The following ABHD17C variants were observed in gnomAD, a reference collection of about 807,000 sequenced individuals.
The protein encoded by ABHD17C is alpha/beta hydrolase domain-containing protein 17C.
Under a neutral mutation model 27.9 loss-of-function variants are expected in ABHD17C, and 11 were observed. The ratio of observed to expected loss-of-function variants is 0.39; its 90% confidence interval spans 0.25 to 0.65. The LOEUF (loss-of-function observed/expected upper bound fraction) is 0.65, where lower values mean the gene tolerates loss of function less well. Among genes scored for constraint, ABHD17C ranks in the 30% least tolerant of loss-of-function variants. The pLI, the probability that ABHD17C is intolerant of heterozygous loss-of-function variation, is 0.45. For missense variants in ABHD17C, 280 were observed against 470.2 expected (o/e 0.60, Z 3.74); for synonymous variants, 233 against 209.1 (o/e 1.11, Z -0.98).
chr15:80,743,850 G>C (rs554428496), intron 1 of ABHD17C, among the ~76,000 whole-genome samples: 71 of 152,344 alleles, frequency 4.7e-4, no homozygotes, highest in Middle Eastern at 3.4e-3. Context: ...TAGGATTACA[G>C]GCGTGAGCCA....
At chr15:80,699,400 C>T (rs1894540997) in intron 1 of ABHD17C, among the ~76,000 whole-genome samples, 1 of 151,996 alleles carries the variant, frequency 6.6e-6, no homozygotes, top group Non-Finnish European at 1.5e-5. Context: ...GGTTTAATAT[C>T]CATGGGTACA....
At chr15:80,750,515 T>C (rs1484352221) in intron 2 of ABHD17C, among the ~76,000 whole-genome samples, 1 of 152,202 alleles carries the variant, frequency 6.6e-6, no homozygotes, top group Non-Finnish European at 1.5e-5. Context: ...GGGTTTTTGA[T>C]TGACCCATTA....
At chr15:80,712,214 C>A (rs964164779) in intron 1 of ABHD17C, among the ~76,000 whole-genome samples, 1 of 152,186 alleles carries the variant, frequency 6.6e-6, no homozygotes, top group African/African-American at 2.4e-5. Context: ...TAGACTCACC[C>A]GGAGCCCAGT....
intron 1 of ABHD17C, among the ~76,000 whole-genome samples, chr15:80,726,824 C>A (rs1483571029): frequency 6.6e-6 from 1 of 152,198 alleles, no homozygotes; most frequent in Admixed American, 6.5e-5. Context: ...CACACCCAAC[C>A]CTTTTTCTTT....
intron 1 of ABHD17C, among the ~76,000 whole-genome samples, chr15:80,748,256 G>C (rs1313898888): frequency 6.6e-6 from 1 of 152,194 alleles, no homozygotes; most frequent in East Asian, 1.9e-4. Flanking sequence ...ACTGAACGCC[G>C]TTATCAGAAA....
chr15:80,733,194 C>T (rs1895080253), intron 1 of ABHD17C, among the ~76,000 whole-genome samples: 1 of 152,180 alleles, frequency 6.6e-6, no homozygotes, highest in Admixed American at 6.5e-5. Flanking sequence ...CTTCCCTCCC[C>T]TGTCCCCGAC....
intron 1 of ABHD17C, among the ~76,000 whole-genome samples, chr15:80,712,809 C>G (rs1157494314): frequency 6.6e-6 from 1 of 152,188 alleles, no homozygotes; most frequent in Admixed American, 6.5e-5. Flanking sequence ...TTTTCTAAAT[C>G]TATAGTTTTA....
intron 1 of ABHD17C, among the ~76,000 whole-genome samples, chr15:80,716,723 G>A (rs890013146): frequency 2.0e-5 from 3 of 152,170 alleles, no homozygotes; most frequent in African/African-American, 4.8e-5. Flanking sequence ...AGAACCTAAC[G>A]TGAAGTGGAG....
intron 2 of ABHD17C, among the ~76,000 whole-genome samples, chr15:80,750,754 T>A (rs1895355326): frequency 6.6e-6 from 1 of 152,120 alleles, no homozygotes; most frequent in Non-Finnish European, 1.5e-5. Flanking sequence ...GTAGGGCTAA[T>A]GTGCCTCTCA....
intron 1 of ABHD17C, among the ~76,000 whole-genome samples, chr15:80,735,569 G>C (rs1347116070): frequency 6.6e-6 from 1 of 151,994 alleles, no homozygotes; most frequent in Non-Finnish European, 1.5e-5. Flanking sequence ...TTACGCCCCT[G>C]CCGCTGCCTA....
chr15:80,739,841 A>T (rs1342776232), intron 1 of ABHD17C, among the ~76,000 whole-genome samples: 1 of 141,136 alleles, frequency 7.1e-6, no homozygotes, highest in Non-Finnish European at 1.5e-5. Context: ...TATTTCCTTG[A>T]ATTTACAGGT....
intron 1 of ABHD17C, among the ~76,000 whole-genome samples, chr15:80,708,857 G>A (rs929884326): frequency 6.6e-6 from 1 of 152,200 alleles, no homozygotes; most frequent in African/African-American, 2.4e-5. Context: ...CAAAGACTCT[G>A]AGAGAATAGT....
rs546991571 is a variant in ABHD17C, at chr15:80,754,988, G to A, written c.*618G>A. On this transcript the variant is annotated 3_prime_UTR_variant, in exon 3 of 3. Coordinates refer to ENST00000258884, the MANE Select transcript of ABHD17C (RefSeq NM_021214.2). ...AAAAAGAAACTAGGGGTTTTTTTAA[G>A]TGTAAATTTATTACTAGCCAACAGA... 3.9e-5 allele frequency: 6 copies of A among 152,236 alleles called. No individual in the cohort carries two copies. The highest frequency in any genetic ancestry group is 1.2e-4 in the African/African-American group (5 of 41,530). The allele number at this position is 152,236 out of a possible 1,614,324, so 9.4% of individuals were successfully genotyped here.
chr15:80,732,191 G>A (rs966596300), intron 1 of ABHD17C, among the ~76,000 whole-genome samples: 1 of 152,142 alleles, frequency 6.6e-6, no homozygotes, highest in African/African-American at 2.4e-5. Context: ...ACGAGAGAAC[G>A]GACACCCAGA....
At chr15:80,728,586 G>T (rs1018388698) in intron 1 of ABHD17C, among the ~76,000 whole-genome samples, 4 of 152,326 alleles carry the variant, frequency 2.6e-5, no homozygotes, top group African/African-American at 9.6e-5. Flanking sequence ...TTGGGCATTA[G>T]AGTCAAGACT....
chr15:80,727,508 A>G (rs1894998033), intron 1 of ABHD17C, among the ~76,000 whole-genome samples: 1 of 152,226 alleles, frequency 6.6e-6, no homozygotes, highest in South Asian at 2.1e-4. Flanking sequence ...GTGTCATAGC[A>G]TAGCATTCTT....
chr15:80,720,779 G>C (rs1449904228), intron 1 of ABHD17C, among the ~76,000 whole-genome samples: 3 of 152,050 alleles, frequency 2.0e-5, no homozygotes, highest in Non-Finnish European at 4.4e-5. Flanking sequence ...AAATTAGCCA[G>C]GCGTGGTGAC....
chr15:80,754,287 GC>G lies in ABHD17C; in HGVS notation c.908del (p.Ala303ValfsTer6). The G allele has an allele frequency of 6.2e-7, 1 of 1,613,964 alleles. No homozygotes were observed. The highest frequency in any genetic ancestry group is 8.5e-7 in the Non-Finnish European group (1 of 1,179,886). On this transcript the variant is annotated frameshift_variant, in exon 3 of 3. Coordinates refer to ENST00000258884, the MANE Select transcript of ABHD17C (RefSeq NM_021214.2). LOFTEE classifies it high-confidence loss of function. ...RAVEPLWVEG[A>X]GHNDIELYAQ... ...CGTGGAGCCCCTTTGGGTTGAAGGG[GC>G]TGGGCATAATGACATAGAGCTTTAT...
intron 1 of ABHD17C, among the ~76,000 whole-genome samples, chr15:80,730,346 T>G (rs1895041661): frequency 6.6e-6 from 1 of 152,236 alleles, no homozygotes; most frequent in Non-Finnish European, 1.5e-5. Context: ...CCAGGCCTCC[T>G]ATGCCCTCCC....
Sources: allele counts gnomAD v4.1 joint callset (sites outside exome capture counted in the v4.1 genomes callset), GRCh38; gene constraint gnomAD v4.1.1; transcripts MANE v1.5; gene names NCBI Gene and HGNC (gene_info 2026-07-23, HGNC 2026-07-21).